The following TEX35 variants were observed in gnomAD, a reference collection of about 807,000 sequenced individuals.
The protein encoded by TEX35 is testis expressed 35.
TEX35 carries 26 observed loss-of-function variants against 31.9 expected under a neutral mutation model. The observed-to-expected ratio is 0.81, with a 90% CI of 0.60 to 1.13. TEX35 has a LOEUF of 1.13. Ranked by LOEUF, TEX35 falls within the 50% of genes most tolerant of loss-of-function variation. The probability of loss-of-function intolerance (pLI) is 0.00; values close to 1 mark genes in which losing one functional copy is unlikely to be tolerated. For missense variants in TEX35, 278 were observed against 273.5 expected, an observed-to-expected ratio of 1.02 and a Z score of -0.12; for synonymous variants, 87 against 90.7, an observed-to-expected ratio of 0.96 and a Z score of 0.23.
At chr1:178,521,555 C>A in intron 8 of TEX35, 2 of 1,422,602 alleles carry the variant, frequency 1.4e-6, no homozygotes, top group African/African-American at 1.4e-5. Context: ...TCTCCCCATC[C>A]AGTGGGAAAT....
chr1:178,516,058 A>T, intron 4 of TEX35, 143 bp downstream of exon 4: 2 of 701,840 alleles, frequency 2.8e-6, no homozygotes, highest in South Asian at 3.7e-5. Flanking sequence ...CTTCAGTATT[A>T]GGTTATTCAC....
Position 178,513,152 on chromosome 1 carries a change from T to C in TEX35, c.-37T>C. Reference sequence around the variant, plus strand: ...GACAGTGGCCTGGTCCCAGGGGCTGTTGTGGGGAGTTGAAGAACACCCTGG... The same window carrying C: ...GACAGTGGCCTGGTCCCAGGGGCTGCTGTGGGGAGTTGAAGAACACCCTGG... On this transcript the variant is annotated 5_prime_UTR_variant, in exon 1 of 9. Transcript: ENST00000319416. The C allele has an allele frequency of 6.2e-7, 1 of 1,611,546 alleles. No homozygotes were observed.
chr1:178,514,612 C>T, intron 2 of TEX35, 88 bp from the exon 3 acceptor site: 4 of 1,345,746 alleles, frequency 3.0e-6, no homozygotes, highest in East Asian at 2.4e-5. Context: ...AAGGGAGGAA[C>T]AGAAACACAG....
At chr1:178,518,612 T>TA (rs1314693008) in intron 5 of TEX35, among the ~76,000 whole-genome samples, 5 of 151,790 alleles carry the variant, frequency 3.3e-5, no homozygotes, top group African/African-American at 1.2e-4. Flanking sequence ...TCAGCTAGGT[T>TA]AAAAAAAATA....
chr1:178,517,926 G>A (rs1650139169), intron 5 of TEX35, among the ~76,000 whole-genome samples: 5 of 152,040 alleles, frequency 3.3e-5, no homozygotes, highest in Admixed American at 3.3e-4. Context: ...AACTATGTAA[G>A]ATTTTTTTAA....
chr1:178,521,235 T>C lies in TEX35; in HGVS notation c.557T>C (p.Leu186Ser), dbSNP rs1414700362. Residue 186 changes from leucine to serine, a missense_variant, in exon 8 of 9, where the codon TTG becomes TCG. Transcript: ENST00000319416. ...TGTCCTCTGCAGGAGAAATGTTTGT[T>C]GTGTGCTCTAAAGAACAACTACAAT... ...HCGTCCEKCL[L>S]CALKNNYNRG... 1 of 1,614,126 alleles carries C rather than the reference T, an allele frequency of 6.2e-7. No homozygotes were observed. The highest frequency in any genetic ancestry group is 1.3e-5 in the African/African-American group (1 of 74,950).
downstream of TEX35, among the ~76,000 whole-genome samples, chr1:178,522,828 G>A (rs1056452961): frequency 3.3e-5 from 5 of 152,094 alleles, no homozygotes; most frequent in South Asian, 2.1e-4. Context: ...ATCCAGTTAC[G>A]CTCTAAGTTA....
intron 2 of TEX35, chr1:178,514,321 G>A (rs1224505847): frequency 7.5e-7 from 1 of 1,335,468 alleles, no homozygotes; most frequent in Non-Finnish European, 1.0e-6. Context: ...ACATGTCTGA[G>A]TGGCTGCCGT....
downstream of TEX35, chr1:178,523,443 G>A: frequency 2.2e-6 from 1 of 461,352 alleles, no homozygotes; most frequent in Non-Finnish European, 3.9e-6. Context: ...CTTTTCTCCG[G>A]GTCAAGTTCT....
At chr1:178,513,398 T>TTCC in intron 1 of TEX35, 171 bp downstream of exon 1, 1 of 905,430 alleles carries the variant, frequency 1.1e-6, no homozygotes, top group Non-Finnish European at 1.7e-6. Context: ...GATTAATCCC[T>TTCC]AGCCTTGGGG....
chr1:178,513,995 C>T, intron 1 of TEX35, 32 bp from the exon 2 acceptor site: 1 of 1,610,806 alleles, frequency 6.2e-7, no homozygotes, highest in South Asian at 1.1e-5. Context: ...CTGATGTCTG[C>T]CAGCCTGAAT....
At chr1:178,519,938 T>C (rs1650204626) in intron 5 of TEX35, among the ~76,000 whole-genome samples, 1 of 152,218 alleles carries the variant, frequency 6.6e-6, no homozygotes, top group African/African-American at 2.4e-5. Context: ...TTGCCAGGAA[T>C]TAGGTAAAAG....
chr1:178,523,469 A>C, downstream of TEX35: 1 of 485,164 alleles, frequency 2.1e-6, no homozygotes. Context: ...GCTGCAAATT[A>C]ATGAGCAATG....
chr1:178,513,326 T>A, intron 1 of TEX35, 99 bp downstream of exon 1: 1 of 1,466,456 alleles, frequency 6.8e-7, no homozygotes, highest in Admixed American at 1.9e-5. Context: ...CTCGCATGAA[T>A]CTCTGGTTTT....
chr1:178,515,337 G>C (rs1650036826), intron 3 of TEX35, among the ~76,000 whole-genome samples: 1 of 152,170 alleles, frequency 6.6e-6, no homozygotes, highest in South Asian at 2.1e-4. Context: ...GACCTCAGCT[G>C]ATCTGTCTGC....
Position 178,520,239 on chromosome 1 carries a change from A to G in TEX35, c.277-133A>G, listed in dbSNP as rs1255227159. The G allele has an allele frequency of 1.0e-5, 9 of 859,742 alleles. No homozygotes were observed. The Admixed American group carries it at 1.5e-4, about 14-fold the overall frequency. The allele number at this position is 859,742 out of a possible 1,614,324, so 53.3% of individuals were successfully genotyped here. On this transcript the variant is annotated intron_variant, in intron 5 of 8. Transcript: ENST00000319416. The stretch of plus-strand genomic sequence containing the variant: ...AAGCTGTACATGTCACGGACACTCC[A>G]AAAGCCACCTCACCCAAGTCTAGCG...
chr1:178,520,158 C>T (rs1239336833), intron 5 of TEX35, among the ~76,000 whole-genome samples: 1 of 152,080 alleles, frequency 6.6e-6, no homozygotes. Flanking sequence ...GAAAAGTCCC[C>T]TAATGTCTCT....
intron 2 of TEX35, 96 bp from the exon 3 acceptor site, chr1:178,514,604 G>A: frequency 8.0e-7 from 1 of 1,244,548 alleles, no homozygotes; most frequent in Non-Finnish European, 1.1e-6. Context: ...TTAGCCCTAA[G>A]GGAGGAACAG....
Position 178,520,841 on chromosome 1 carries a change from A to G in TEX35, c.510A>G (p.Ser170=). ...CACCACAAAAAACAAAACAGGGCTC[A>G]CTGGATCCCCTTCATCACTGTGGGA... ...TMAPQKTKQG[S]LDPLHHCGTC... Residue 170 remains serine, a synonymous_variant, in exon 7 of 9, where the codon TCA becomes TCG. Coordinates refer to ENST00000319416, the MANE Select transcript of TEX35 (RefSeq NM_032126.5). 6.2e-7 allele frequency: 1 copy of G among 1,614,196 alleles called. No homozygotes were observed. The highest frequency in any genetic ancestry group is 8.5e-7 in the Non-Finnish European group (1 of 1,180,032).
Sources: gnomAD v4.1 joint callset for allele counts (sites outside exome capture counted in the v4.1 genomes callset) on GRCh38, gnomAD v4.1.1 for gene constraint, MANE v1.5 for transcripts, NCBI Gene and HGNC (gene_info 2026-07-23, HGNC 2026-07-21) for gene names.